FYB2: variants seen among roughly 807,000 people sequenced by gnomAD.
FYB2 encodes the protein FYN binding protein 2, also known as FYN-binding protein 2.
In FYB2, 103 loss-of-function variants were observed where a neutral mutation model predicts 94.1. The observed-to-expected ratio is 1.09, with a 90% CI of 0.93 to 1.29. The LOEUF (loss-of-function observed/expected upper bound fraction) is 1.29, where lower values mean the gene tolerates loss of function less well. FYB2 is among the 50% of genes most tolerant of loss of function. The pLI is 0.00. For missense variants in FYB2, 896 were observed against 841.5 expected, an observed-to-expected ratio of 1.06 and a Z score of -0.80; for synonymous variants, 293 against 287.9, an observed-to-expected ratio of 1.02 and a Z score of -0.18.
At chr1:56,790,944 C>T (rs1369655120) in intron 2 of FYB2, among the ~76,000 whole-genome samples, 1 of 152,002 alleles carries the variant, frequency 6.6e-6, no homozygotes, top group African/African-American at 2.4e-5. Flanking sequence ...GGTCCTGAGG[C>T]TTGACAAAGC....
chr1:56,811,776 CAAACAAAA>C (rs542426286), intron 1 of FYB2, among the ~76,000 whole-genome samples: 215 of 152,214 alleles, frequency 1.4e-3, no homozygotes, highest in African/African-American at 4.7e-3. Flanking sequence ...AACAAACAAA[CAAACAAAA>C]ACAGCAGCAA....
At chr1:56,795,548 C>G (rs1646377318) in intron 1 of FYB2, among the ~76,000 whole-genome samples, 1 of 151,988 alleles carries the variant, frequency 6.6e-6, no homozygotes, top group Non-Finnish European at 1.5e-5. Flanking sequence ...TTTTGAGGAG[C>G]CTCCCTTCTG....
In FYB2 at chr1:56,792,317, C is replaced by G. The variant is rs1199803281; in HGVS notation, c.496G>C (p.Ala166Pro). ...ALLLANYGSK[A>P]IHLEGQKGMG... is the part of the protein sequence containing the mutation. ...CCTTTTTGCCCTTCCAGATGGATGGCCTTACTTCCATAGTTGGCAAGGAGA... is the reference window on the plus strand; with the variant it reads ...CCTTTTTGCCCTTCCAGATGGATGGGCTTACTTCCATAGTTGGCAAGGAGA... The change falls in exon 2 of 20, where the codon GCC becomes CCC. Residue 166 changes from alanine (A) to proline (P), a missense_variant. Coordinates refer to ENST00000343433, the MANE Select transcript of FYB2 (RefSeq NM_001004303.5). 1 of 1,614,070 alleles carries G rather than the reference C, an allele frequency of 6.2e-7. No individual in the cohort carries two copies. The highest frequency in any genetic ancestry group is 1.7e-5 in the Admixed American group (1 of 60,008).
chr1:56,759,284 C>A (rs1347854708), intron 5 of FYB2, among the ~76,000 whole-genome samples: 1 of 152,154 alleles, frequency 6.6e-6, no homozygotes, highest in African/African-American at 2.4e-5. Flanking sequence ...TAATTACAGT[C>A]ATGCATCGCT....
upstream of FYB2, among the ~76,000 whole-genome samples, chr1:56,822,418 A>T (rs548094364): frequency 6.6e-6 from 1 of 152,344 alleles, no homozygotes; most frequent in Non-Finnish European, 1.5e-5. Flanking sequence ...AGTCTGTGAG[A>T]AAGCTTAGCA....
intron 15 of FYB2, among the ~76,000 whole-genome samples, chr1:56,733,518 T>C (rs1644760456): frequency 6.6e-6 from 1 of 152,154 alleles, no homozygotes. Context: ...CTTTTAATTG[T>C]GAAGTTAGGG....
intron 17 of FYB2, 114 bp from the exon 18 acceptor site, chr1:56,720,443 T>A: frequency 1.1e-6 from 1 of 932,980 alleles, no homozygotes; most frequent in Non-Finnish European, 1.5e-6. Context: ...TACTATTGAC[T>A]AGTTAAATAA....
At chr1:56,818,943 AAC>A (rs1194549288) in intron 1 of FYB2, among the ~76,000 whole-genome samples, 3 of 152,196 alleles carry the variant, frequency 2.0e-5, no homozygotes, top group Admixed American at 6.5e-5. Flanking sequence ...AGGGCAAGTA[AAC>A]ACAGAGAGAA....
intron 15 of FYB2, among the ~76,000 whole-genome samples, chr1:56,733,166 T>C (rs1644748478): frequency 6.6e-6 from 1 of 151,718 alleles, no homozygotes; most frequent in Non-Finnish European, 1.5e-5. Context: ...AATGGGCAAA[T>C]GAACAGACAT....
chr1:56,810,080 G>A (rs1270647638), intron 1 of FYB2, among the ~76,000 whole-genome samples: 1 of 152,132 alleles, frequency 6.6e-6, no homozygotes, highest in Non-Finnish European at 1.5e-5. Flanking sequence ...AGGGAAAGAA[G>A]GAAGAAGAGG....
intron 3 of FYB2, among the ~76,000 whole-genome samples, chr1:56,787,676 T>C (rs1570151451): frequency 6.6e-6 from 1 of 152,166 alleles, no homozygotes; most frequent in Non-Finnish European, 1.5e-5. Context: ...ATTTTACAGA[T>C]AAGGAAATTA....
At chr1:56,759,782 G>A (rs1331037944) in intron 5 of FYB2, among the ~76,000 whole-genome samples, 2 of 151,950 alleles carry the variant, frequency 1.3e-5, no homozygotes, top group Non-Finnish European at 2.9e-5. Flanking sequence ...GAGATTCAAG[G>A]AAATAATTTA....
intron 1 of FYB2, among the ~76,000 whole-genome samples, chr1:56,796,691 C>G (rs1403211061): frequency 6.6e-6 from 1 of 152,164 alleles, no homozygotes; most frequent in Non-Finnish European, 1.5e-5. Flanking sequence ...AATGCTCCAA[C>G]GTCACATTGG....
At chr1:56,722,509 C>T (rs1283627924) in intron 17 of FYB2, among the ~76,000 whole-genome samples, 1 of 151,948 alleles carries the variant, frequency 6.6e-6, no homozygotes, top group Non-Finnish European at 1.5e-5. Context: ...GGCAAGTCTT[C>T]CTGGAGAAGA....
At chr1:56,730,691 T>C (rs1245881205) in intron 15 of FYB2, among the ~76,000 whole-genome samples, 1 of 152,130 alleles carries the variant, frequency 6.6e-6, no homozygotes, top group African/African-American at 2.4e-5. Context: ...GCTTCCCTGC[T>C]GAATTCTACT....
At chr1:56,825,654 C>T in the FYB2 span, among the ~76,000 whole-genome samples, 8 of 152,240 alleles carry the variant, frequency 5.3e-5, no homozygotes, top group East Asian at 1.5e-3. Flanking sequence ...ATAGGGAATA[C>T]AATAACAAGC....
At chr1:56,729,137 C>A (rs531284004) in intron 15 of FYB2, among the ~76,000 whole-genome samples, 1 of 152,102 alleles carries the variant, frequency 6.6e-6, no homozygotes, top group African/African-American at 2.4e-5. Flanking sequence ...GCAGTTTTGA[C>A]TTCATTCTGA....
At chr1:56,754,692 T>C (rs1222080300) in intron 7 of FYB2, among the ~76,000 whole-genome samples, 1 of 152,120 alleles carries the variant, frequency 6.6e-6, no homozygotes, top group African/African-American at 2.4e-5. Flanking sequence ...TGATTTCCTA[T>C]TTATTTGGTC....
intron 9 of FYB2, among the ~76,000 whole-genome samples, chr1:56,747,128 T>C (rs1024735217): frequency 6.6e-6 from 1 of 151,964 alleles, no homozygotes; most frequent in Non-Finnish European, 1.5e-5. Flanking sequence ...ATACCAAGCA[T>C]TCACAGATGT....
Sources: gnomAD v4.1 joint callset for allele counts (sites outside exome capture counted in the v4.1 genomes callset) on GRCh38, gnomAD v4.1.1 for gene constraint, MANE v1.5 for transcripts, NCBI Gene and HGNC (gene_info 2026-07-23, HGNC 2026-07-21) for gene names.